The following CEMIP variants were observed in gnomAD, a reference collection of about 807,000 sequenced individuals.
The protein encoded by CEMIP is cell migration-inducing and hyaluronan-binding protein.
In CEMIP, 105 loss-of-function variants were observed where a neutral mutation model predicts 156.9. That is an observed-to-expected ratio of 0.67 (90% CI 0.57 to 0.79). CEMIP has a LOEUF of 0.79. Among genes scored for constraint, CEMIP ranks in the 30% least tolerant of loss-of-function variants. The pLI is 0.00. For synonymous variants in CEMIP, 676 were observed against 668.4 expected, an observed-to-expected ratio of 1.01 and a Z score of -0.17; for missense variants, 1,457 against 1,769.4, an observed-to-expected ratio of 0.82 and a Z score of 3.17.
At chr15:80,923,354 G>A (rs1900543521) in intron 17 of CEMIP, among the ~76,000 whole-genome samples, 1 of 152,178 alleles carries the variant, frequency 6.6e-6, no homozygotes, top group African/African-American at 2.4e-5. Context: ...GGTGCAGGGG[G>A]CATACTGCTG....
At chr15:80,841,523 T>C (rs1031566484) in intron 1 of CEMIP, among the ~76,000 whole-genome samples, 2 of 152,238 alleles carry the variant, frequency 1.3e-5, no homozygotes, top group Non-Finnish European at 2.9e-5. Flanking sequence ...GCAAGGGATA[T>C]GACTTCTAGA....
chr15:80,889,359 G>C, intron 9 of CEMIP, 112 bp from the exon 10 acceptor site: 1 of 1,481,808 alleles, frequency 6.7e-7, no homozygotes, highest in Non-Finnish European at 9.4e-7. Flanking sequence ...TGCAACCATG[G>C]ACAGATAATA....
chr15:80,821,602 A>G (rs1896910151), intron 1 of CEMIP, among the ~76,000 whole-genome samples: 1 of 152,218 alleles, frequency 6.6e-6, no homozygotes, highest in African/African-American at 2.4e-5. Context: ...ATCCAAGAAG[A>G]CAGGCTGAAG....
chr15:80,849,178 T>G (rs2141730374), intron 1 of CEMIP, among the ~76,000 whole-genome samples: 1 of 151,424 alleles, frequency 6.6e-6, no homozygotes, highest in Admixed American at 6.6e-5. Context: ...AGAGATGGGG[T>G]TTCACTATGT....
At chr15:80,799,633 C>G (rs1420451265) in intron 1 of CEMIP, among the ~76,000 whole-genome samples, 1 of 152,074 alleles carries the variant, frequency 6.6e-6, no homozygotes, top group Non-Finnish European at 1.5e-5. Context: ...ATTTTTATTA[C>G]AGTATTATTG....
At chr15:80,870,474 G>C (rs1898252511) in intron 1 of CEMIP, among the ~76,000 whole-genome samples, 1 of 152,176 alleles carries the variant, frequency 6.6e-6, no homozygotes, top group Non-Finnish European at 1.5e-5. Context: ...TTGCTCTGCA[G>C]CCTCTCAGGA....
At chr15:80,933,183 G>T in intron 22 of CEMIP, 62 bp from the exon 23 acceptor site, 1 of 1,432,126 alleles carries the variant, frequency 7.0e-7, no homozygotes, top group South Asian at 1.2e-5. Flanking sequence ...GCCCTGGCCT[G>T]ATGACGGCTG....
chr15:80,906,685 C>T lies in CEMIP; in HGVS notation c.1434C>T (p.Ile478=), dbSNP rs202093898. The T allele has an allele frequency of 1.7e-5, 28 of 1,613,840 alleles. No homozygotes were observed. Among genetic ancestry groups the T allele is most frequent in the Admixed American group, 1.2e-4 (7 of 60,014 alleles). Residue 478 remains isoleucine (I), a synonymous_variant, in exon 13 of 30, where the codon ATC becomes ATT. Coordinates refer to ENST00000394685, the MANE Select transcript of CEMIP (RefSeq NM_001293298.2). The surrounding 1 kb of genome is among the most constrained non-coding windows in gnomAD (Gnocchi z 4.3). ...TAGGGAAACCAATGTACCTGCACAT[C>T]GGGGAGGAGATAGACGGCGTGGACA... ...KVAGKPMYLH[I]GEEIDGVDMR... is the part of the protein sequence containing the mutation.
chr15:80,936,798 C>T lies in CEMIP; in HGVS notation c.3134C>T (p.Pro1045Leu), dbSNP rs1045797913. The change falls in exon 24 of 30, where the codon CCG (proline) becomes CTG (leucine). Residue 1045 changes from proline (P) to leucine (L), a missense_variant. Coordinates refer to ENST00000394685, the MANE Select transcript of CEMIP (RefSeq NM_001293298.2). ...AGCACCCATTACCAGCAATACCAACCGGTTGTCACCCTGCAGAAGGGCTAC... is the reference window on the plus strand; with the variant it reads ...AGCACCCATTACCAGCAATACCAACTGGTTGTCACCCTGCAGAAGGGCTAC... Reference protein sequence around the residue: ...TRSTHYQQYQPVVTLQKGYTI... With the variant: ...TRSTHYQQYQLVVTLQKGYTI... 1.2e-5 allele frequency: 19 copies of T among 1,614,026 alleles called. No homozygotes were observed. Among genetic ancestry groups the T allele is most frequent in the Admixed American group, 3.3e-5 (2 of 60,008 alleles).
At chr15:80,864,334 C>A (rs75809997) in intron 1 of CEMIP, among the ~76,000 whole-genome samples, 2,095 of 152,326 alleles carry the variant, frequency 0.014, 49 homozygotes, top group African/African-American at 0.046. Flanking sequence ...GGCAAGCTTT[C>A]AAGAAAGCAC....
intron 1 of CEMIP, among the ~76,000 whole-genome samples, chr15:80,811,715 C>T (rs564202095): frequency 5.3e-5 from 8 of 152,192 alleles, no homozygotes; most frequent in African/African-American, 4.8e-5. Context: ...CCACTAGGCC[C>T]GCCTAATGTT....
chr15:80,856,900 A>G (rs1443557333), intron 1 of CEMIP, among the ~76,000 whole-genome samples: 1 of 152,200 alleles, frequency 6.6e-6, no homozygotes, highest in Non-Finnish European at 1.5e-5. Flanking sequence ...GATCCAGGTA[A>G]CTGATCCCAT....
chr15:80,875,017 T>C (rs1898424123), intron 3 of CEMIP, among the ~76,000 whole-genome samples: 1 of 141,796 alleles, frequency 7.1e-6, no homozygotes, highest in Admixed American at 7.4e-5. Flanking sequence ...ACATAGCAAG[T>C]AGCATTTTTT....
chr15:80,920,655 TAG>T (rs1256322280), intron 15 of CEMIP, among the ~76,000 whole-genome samples: 2 of 152,098 alleles, frequency 1.3e-5, no homozygotes, highest in Non-Finnish European at 2.9e-5. Flanking sequence ...TTCTAGATAT[TAG>T]AGAGACAGAG....
At chr15:80,820,555 G>T (rs1052115873) in intron 1 of CEMIP, among the ~76,000 whole-genome samples, 1 of 152,286 alleles carries the variant, frequency 6.6e-6, no homozygotes, top group Middle Eastern at 3.4e-3. Flanking sequence ...ATTCAGGAGG[G>T]CTGGCTTGGC....
At chr15:80,874,386 A>G (rs995235644) in intron 3 of CEMIP, among the ~76,000 whole-genome samples, 2 of 152,206 alleles carry the variant, frequency 1.3e-5, no homozygotes, top group African/African-American at 2.4e-5. Flanking sequence ...AGAAGCCAGA[A>G]ATCTAGAGCT....
At chr15:80,786,099 C>G (rs1381868353) in intron 1 of CEMIP, among the ~76,000 whole-genome samples, 1 of 152,130 alleles carries the variant, frequency 6.6e-6, no homozygotes, top group Non-Finnish European at 1.5e-5. Context: ...GTCTTGAGTT[C>G]TCTCAAAAAG....
At position 80,949,132 on chromosome 15, in the gene CEMIP, C is replaced by T. The variant is rs1041367401; in HGVS notation, c.*208C>T. ...AAGTGTCTACCTGGAGCCCCTGGGG[C>T]GGTGCTGGCCAATGCTGGAAACATT... On this transcript the variant is annotated 3_prime_UTR_variant, in exon 30 of 30. Coordinates refer to ENST00000394685, the MANE Select transcript of CEMIP (RefSeq NM_001293298.2). 12 of 651,122 alleles carry T rather than the reference C, an allele frequency of 1.8e-5. No individual in the cohort carries two copies. Among genetic ancestry groups the T allele is most frequent in the South Asian group, 3.5e-5 (2 of 57,630 alleles). The allele number at this position is 651,122 out of a possible 1,614,324, so 40.3% of individuals were successfully genotyped here. A position where few individuals can be genotyped will look rare whatever the true frequency, so the allele number is the denominator to read the frequency against.
intron 1 of CEMIP, among the ~76,000 whole-genome samples, chr15:80,853,648 CA>C (rs1243908558): frequency 2.6e-5 from 4 of 152,170 alleles, no homozygotes; most frequent in Non-Finnish European, 1.5e-5. Flanking sequence ...AAGATCAAAA[CA>C]GAGAGATTAG....
Sources: gnomAD v4.1 joint callset for allele counts (sites outside exome capture counted in the v4.1 genomes callset) on GRCh38, gnomAD v4.1.1 for gene constraint, Gnocchi (gnomAD v3.1) non-coding constraint, MANE v1.5 for transcripts, NCBI Gene and HGNC (gene_info 2026-07-23, HGNC 2026-07-21) for gene names.